The following MYO5B variants were observed in gnomAD, a reference collection of about 807,000 sequenced individuals.
The protein encoded by MYO5B is unconventional myosin-Vb.
A neutral mutation model predicts 229.3 loss-of-function variants in MYO5B; 143 were observed. The observed-to-expected ratio is 0.62, with a 90% CI of 0.54 to 0.72. The LOEUF is 0.72. Ranked by LOEUF, MYO5B falls within the 30% of genes least tolerant of loss-of-function variation. The probability of loss-of-function intolerance (pLI) is 0.00; values close to 1 mark genes in which losing one functional copy is unlikely to be tolerated. For missense variants in MYO5B, 2,321 were observed against 2,331.0 expected, an observed-to-expected ratio of 1.00 and a Z score of 0.09; for synonymous variants, 918 against 885.2, an observed-to-expected ratio of 1.04 and a Z score of -0.66.
intron 16 of MYO5B, among the ~76,000 whole-genome samples, chr18:49,933,198 C>T (rs1008161920): frequency 3.9e-5 from 6 of 152,196 alleles, no homozygotes; most frequent in African/African-American, 9.7e-5. Flanking sequence ...TCTGAGACTC[C>T]GAGACCTGGG....
intron 4 of MYO5B, among the ~76,000 whole-genome samples, chr18:50,033,825 G>A (rs1016009797): frequency 1.3e-4 from 19 of 151,820 alleles, no homozygotes; most frequent in African/African-American, 4.1e-4. Context: ...GAATATGACA[G>A]AGATAGGCAC....
intron 14 of MYO5B, among the ~76,000 whole-genome samples, chr18:49,939,146 T>TC (rs1448695951): frequency 2.2e-3 from 289 of 131,838 alleles, no homozygotes; most frequent in East Asian, 0.01. Context: ...TTTCTTTTTT[T>TC]TCTTTTTTTT....
At chr18:49,996,468 G>A (rs1408329984) in intron 5 of MYO5B, among the ~76,000 whole-genome samples, 5 of 152,174 alleles carry the variant, frequency 3.3e-5, no homozygotes, top group Non-Finnish European at 7.3e-5. Flanking sequence ...ACAATCAGAT[G>A]CTATAAAGCT....
rs2032915489 is a variant in MYO5B, at chr18:50,171,180, C to T, written c.27+23587G>A. 1.6e-5 allele frequency among the ~76,000 whole-genome samples: 2 copies of T among 128,316 alleles called. 1 individual carries two copies. Among genetic ancestry groups the T allele is most frequent in the South Asian group, 5.4e-4 (2 of 3,686 alleles). 84.2% of individuals were successfully genotyped at this position (128,316 alleles called of 152,430 possible). On this transcript the variant is annotated intron_variant, in intron 1 of 39. Transcript: ENST00000285039. ...GACAGTGCTGGGCACTTGGCACGATCTTCACCCTCACAGATAAGTTGAGGA... is the reference window on the plus strand; with the variant it reads ...GACAGTGCTGGGCACTTGGCACGATTTTCACCCTCACAGATAAGTTGAGGA...
intron 1 of MYO5B, among the ~76,000 whole-genome samples, chr18:50,141,093 A>G (rs2032410416): frequency 6.6e-6 from 1 of 152,180 alleles, no homozygotes; most frequent in Admixed American, 6.5e-5. Flanking sequence ...CCTAAATGGC[A>G]TAGTTGATTC....
In MYO5B at chr18:50,168,872, C is replaced by T. The variant is rs2032890276; in HGVS notation, c.27+25895G>A. The stretch of plus-strand genomic sequence containing the variant: ...GCATTCAGATCGGAAGTTACATTAT[C>T]AGCATCCCAGAAGCCCCATGCCTGT... On this transcript the variant is annotated intron_variant, in intron 1 of 39. Coordinates refer to ENST00000285039, the MANE Select transcript of MYO5B (RefSeq NM_001080467.3). Among the ~76,000 whole-genome samples, 3 of 128,076 alleles carry T rather than the reference C, an allele frequency of 2.3e-5. 1 individual carries two copies. The highest frequency in any genetic ancestry group is 8.9e-5 in the African/African-American group (3 of 33,896). The allele number at this position is 128,076 out of a possible 152,430, so 84.0% of individuals were successfully genotyped here.
At chr18:49,994,736 C>T (rs1347932477) in intron 5 of MYO5B, among the ~76,000 whole-genome samples, 1 of 152,214 alleles carries the variant, frequency 6.6e-6, no homozygotes, top group Non-Finnish European at 1.5e-5. Context: ...GCAGAGGCCT[C>T]AGTGTAACCA....
intron 1 of MYO5B, among the ~76,000 whole-genome samples, chr18:50,133,266 C>A (rs1158132939): frequency 6.8e-6 from 1 of 148,090 alleles, no homozygotes; most frequent in Non-Finnish European, 1.5e-5. Context: ...TTCTCTAGTG[C>A]TCTCCTCAAA....
rs568225272 is a variant in MYO5B at position 49,972,513 on chromosome 18, C to T, written c.1322+1837G>A. 1.2e-3 allele frequency among the ~76,000 whole-genome samples: 189 copies of T among 152,166 alleles called. 4 individuals carry two copies. The highest frequency in any genetic ancestry group is 1.5e-3 in the Non-Finnish European group (105 of 68,046). ...AAGGAAATCATAAAATTTTTACATGCTATTGACAAGTCTGCATGTTAATCT... is the reference window on the plus strand; with the variant it reads ...AAGGAAATCATAAAATTTTTACATGTTATTGACAAGTCTGCATGTTAATCT... On this transcript the variant is annotated intron_variant, in intron 10 of 39. Transcript: ENST00000285039.
intron 1 of MYO5B, among the ~76,000 whole-genome samples, chr18:50,130,749 C>T (rs1215847017): frequency 6.6e-6 from 1 of 152,202 alleles, no homozygotes; most frequent in Non-Finnish European, 1.5e-5. Flanking sequence ...GCCACAAACT[C>T]TTCCCTGGCC....
At chr18:50,089,642 G>GGA (rs2031404376) in intron 1 of MYO5B, among the ~76,000 whole-genome samples, 1 of 151,914 alleles carries the variant, frequency 6.6e-6, no homozygotes, top group African/African-American at 2.4e-5. Context: ...CAGTGTCGTA[G>GGA]GAGTTATTAA....
chr18:50,186,996 C>T (rs1166747473), intron 1 of MYO5B, among the ~76,000 whole-genome samples: 1 of 152,138 alleles, frequency 6.6e-6, no homozygotes, highest in African/African-American at 2.4e-5. Flanking sequence ...TGCAAGAACC[C>T]CAGATCCTGA....
In MYO5B at chr18:50,001,112, A is replaced by C. The variant is rs1436508259; in HGVS notation, c.612+143T>G. 7 of 1,044,552 alleles carry C rather than the reference A, an allele frequency of 6.7e-6. No homozygotes were observed. In the African/African-American group the frequency reaches 1.1e-4, roughly 16 times the overall value. 64.7% of individuals were successfully genotyped at this position (1,044,552 alleles called of 1,614,324 possible). On this transcript the variant is annotated intron_variant, in intron 5 of 39. Coordinates refer to ENST00000285039, the MANE Select transcript of MYO5B (RefSeq NM_001080467.3). ...GGTCAACATCCATGGTTTTAGAGGC[A>C]GCTTGGTAACTTTTCCTCCACAGTG...
intron 10 of MYO5B, chr18:49,971,093 G>A (rs1406821112): frequency 6.6e-6 from 1 of 152,200 alleles, no homozygotes; most frequent in Non-Finnish European, 1.5e-5. Context: ...CTCCTCCAGG[G>A]TTTGATGGCC....
chr18:49,902,492 G>A (rs1399648851), intron 21 of MYO5B, 102 bp downstream of exon 21: 14 of 1,525,884 alleles, frequency 9.2e-6, no homozygotes, highest in Middle Eastern at 2.3e-4. Context: ...GTGCTCCCTC[G>A]GGTCTTCGGC....
At position 49,974,470 on chromosome 18, in the gene MYO5B, C is replaced by T. The variant is rs1555648414; in HGVS notation, c.1202G>A (p.Arg401His). The T allele has an allele frequency of 7.4e-6, 12 of 1,614,032 alleles. No homozygotes were observed. The highest frequency in any genetic ancestry group is 1.3e-5 in the African/African-American group (1 of 74,912). ...ATAGATGTGCTTCGCCAGGGCGTTG[C>T]GCGCATTGATCACCTGCTGCAGGGA... ...TMSLQQVINA[R>H]NALAKHIYAQ... is the part of the protein sequence containing the mutation. Residue 401 changes from arginine (R) to histidine (H), a missense_variant, in exon 10 of 40, where the codon CGC becomes CAC. Arg to His is a conservative substitution (Grantham distance 29, BLOSUM62 0). Transcript: ENST00000285039.
chr18:49,847,307 C>T lies in MYO5B; in HGVS notation c.4316-18G>A. Reference sequence around the variant, plus strand: ...CTGGGCAGCTGAGCAGGAAAGAAAACAGGAAGCATGGATGAGACTTCCAGC... The same window carrying T: ...CTGGGCAGCTGAGCAGGAAAGAAAATAGGAAGCATGGATGAGACTTCCAGC... On this transcript the variant is annotated intron_variant, in intron 32 of 39. Transcript: ENST00000285039. The T allele has an allele frequency of 6.2e-7, 1 of 1,611,850 alleles. No individual in the cohort carries two copies. Among genetic ancestry groups the T allele is most frequent in the Non-Finnish European group, 8.5e-7 (1 of 1,179,492 alleles).
At chr18:49,982,082 TTATC>T (rs761524470) in intron 8 of MYO5B, among the ~76,000 whole-genome samples, 5 of 152,130 alleles carry the variant, frequency 3.3e-5, no homozygotes, top group African/African-American at 7.2e-5. Context: ...TCTACTTCGT[TTATC>T]TATTTTTTTG....
rs79937216 is a variant in MYO5B, at chr18:50,053,927, C to G, written c.138+1341G>C. 6.4e-3 allele frequency among the ~76,000 whole-genome samples: 981 copies of G among 152,278 alleles called. 6 individuals are homozygous for G. Among genetic ancestry groups the G allele is most frequent in the Middle Eastern group, 0.01 (3 of 294 alleles). ...TCCAAGCAATGTCTGTTCTGCAGCCCAAACTCAATCCATCCCAAAGCCAAC... is the reference window on the plus strand; with the variant it reads ...TCCAAGCAATGTCTGTTCTGCAGCCGAAACTCAATCCATCCCAAAGCCAAC... On this transcript the variant is annotated intron_variant, in intron 2 of 39. Transcript: ENST00000285039.
Sources: allele counts gnomAD v4.1 joint callset (sites outside exome capture counted in the v4.1 genomes callset), GRCh38; gene constraint gnomAD v4.1.1; transcripts MANE v1.5; gene names NCBI Gene and HGNC (gene_info 2026-07-23, HGNC 2026-07-21).